Variants in RAB25 observed in about 807,000 individuals in gnomAD.
RAB25 encodes RAB25, member RAS oncogene family.
A neutral mutation model predicts 25.2 loss-of-function variants in RAB25; 23 were observed. That is an observed-to-expected ratio of 0.91 (90% CI 0.66 to 1.29). The LOEUF (loss-of-function observed/expected upper bound fraction) is 1.29. Ranked by LOEUF, RAB25 falls within the 50% of genes most tolerant of loss-of-function variation. The pLI, the probability that RAB25 is intolerant of heterozygous loss-of-function variation, is 0.00. For missense variants in RAB25, 244 were observed against 277.3 expected, an observed-to-expected ratio of 0.88 and a Z score of 0.85; for synonymous variants, 102 against 111.5, an observed-to-expected ratio of 0.91 and a Z score of 0.54.
Position 156,066,100 on chromosome 1 carries a change from C to T in RAB25, c.233C>T (p.Thr78Ile), listed in dbSNP as rs745434442. Residue 78 changes from threonine (T) to isoleucine (I), a missense_variant, in exon 2 of 5, where the codon ACC becomes ATC. Thr to Ile is a moderately conservative substitution (Grantham distance 89). Transcript: ENST00000361084. ...TAGLERYRAI[T>I]SAYYRGAVGA... ...GGCCTGGAGCGGTACCGAGCCATCA[C>T]CTCGGCGTGAGCCCGGGCCTGGGGG... 27 of 1,580,804 alleles carry T rather than the reference C, an allele frequency of 1.7e-5. No individual in the cohort carries two copies. The highest frequency in any genetic ancestry group is 2.2e-5 in the Non-Finnish European group (26 of 1,157,724).
chr1:156,061,519 C>G, intron 1 of RAB25, 76 bp downstream of exon 1: 2 of 1,497,690 alleles, frequency 1.3e-6, no homozygotes, highest in Non-Finnish European at 1.9e-6. Context: ...AGAGGGCCCC[C>G]TCCTGTTTTT....
chr1:156,070,068 A>G, intron 4 of RAB25, 92 bp from the exon 5 acceptor site: 1 of 1,592,378 alleles, frequency 6.3e-7, no homozygotes, highest in African/African-American at 1.3e-5. Context: ...CCCCATGCTC[A>G]GAAGGGGCAT....
chr1:156,061,571 G>A, intron 1 of RAB25, 128 bp downstream of exon 1: 1 of 998,132 alleles, frequency 1.0e-6, no homozygotes, highest in East Asian at 2.5e-5. Flanking sequence ...CATTCCTTCA[G>A]AAAGAAAGCT....
At position 156,070,347 on chromosome 1, in the gene RAB25, C is replaced by T. The variant is rs1647872125; in HGVS notation, c.*60C>T. 4 of 1,583,230 alleles carry T rather than the reference C, an allele frequency of 2.5e-6. No homozygotes were observed. In the Admixed American group the frequency reaches 7.1e-5, roughly 28 times the overall value. On this transcript the variant is annotated 3_prime_UTR_variant, in exon 5 of 5. Coordinates refer to ENST00000361084, the MANE Select transcript of RAB25 (RefSeq NM_020387.4). Reference sequence around the variant, plus strand: ...TGGTGCCCCTTGTCCCCACTTCAGCCCCAGGACCTTTCCTTGCCCTTTGGT... The same window carrying T: ...TGGTGCCCCTTGTCCCCACTTCAGCTCCAGGACCTTTCCTTGCCCTTTGGT...
chr1:156,066,224 G>T, intron 2 of RAB25, 118 bp downstream of exon 2: 9 of 833,932 alleles, frequency 1.1e-5, no homozygotes, highest in South Asian at 5.0e-5. Context: ...GCTCTGGGGG[G>T]TGGGGATGGA....
chr1:156,068,273 C>G lies in RAB25; in HGVS notation c.243C>G (p.Tyr81Ter). 1 of 1,610,684 alleles carries G rather than the reference C, an allele frequency of 6.2e-7. No individual in the cohort carries two copies. Among genetic ancestry groups the G allele is most frequent in the Non-Finnish European group, 8.5e-7 (1 of 1,176,958 alleles). Residue 81 changes from tyrosine (Y) to a stop codon, truncating the protein, a stop_gained, in exon 3 of 5, where the codon TAC (tyrosine) becomes TAG (stop). Transcript: ENST00000361084. LOFTEE classifies it high-confidence loss of function. ...CATCCTTCTCATTCCCACCCAGGTACTATCGTGGTGCAGTGGGGGCCCTCC... is the reference window on the plus strand; with the variant it reads ...CATCCTTCTCATTCCCACCCAGGTAGTATCGTGGTGCAGTGGGGGCCCTCC... ...LERYRAITSA[Y>*]YRGAVGALLV...
intron 1 of RAB25, among the ~76,000 whole-genome samples, chr1:156,063,313 C>T (rs1379993851): frequency 6.6e-6 from 1 of 152,006 alleles, no homozygotes; most frequent in Non-Finnish European, 1.5e-5. Flanking sequence ...CCACCACACC[C>T]AGCTAATTTT....
intron 2 of RAB25, among the ~76,000 whole-genome samples, chr1:156,066,679 C>T (rs1026305287): frequency 1.3e-5 from 2 of 152,322 alleles, no homozygotes; most frequent in African/African-American, 4.8e-5. Flanking sequence ...TGGCTCACAC[C>T]TGTAATCCCA....
chr1:156,069,443 T>G (rs1647841879), intron 3 of RAB25, among the ~76,000 whole-genome samples: 1 of 152,206 alleles, frequency 6.6e-6, no homozygotes, highest in Non-Finnish European at 1.5e-5. Flanking sequence ...CCTCCCAAAG[T>G]GCTGGGATTA....
At chr1:156,065,601 C>T (rs937230048) in intron 1 of RAB25, among the ~76,000 whole-genome samples, 3 of 152,154 alleles carry the variant, frequency 2.0e-5, no homozygotes, top group Non-Finnish European at 4.4e-5. Flanking sequence ...GTAATGTCTC[C>T]GCATGACACT....
At chr1:156,069,964 A>C (rs1647859339) in intron 4 of RAB25, 196 bp from the exon 5 acceptor site, 5 of 906,310 alleles carry the variant, frequency 5.5e-6, no homozygotes, top group Non-Finnish European at 8.7e-6. Context: ...CATGGGGCTG[A>C]CTCTTGGTTC....
chr1:156,065,889 C>G (rs1357227892), intron 1 of RAB25, 22 bp from the exon 2 acceptor site: 11 of 1,567,546 alleles, frequency 7.0e-6, no homozygotes, highest in African/African-American at 1.3e-5. Context: ...CATGCTCAGC[C>G]CTTATCTCTC....
intron 1 of RAB25, among the ~76,000 whole-genome samples, chr1:156,062,147 G>A (rs1647601198): frequency 6.6e-6 from 1 of 152,186 alleles, no homozygotes; most frequent in Non-Finnish European, 1.5e-5. Flanking sequence ...TTTCTGGGCA[G>A]GTGTACAGGG....
chr1:156,066,201 G>A, intron 2 of RAB25, 95 bp downstream of exon 2: 1 of 1,171,472 alleles, frequency 8.5e-7, no homozygotes, highest in Non-Finnish European at 1.1e-6. Context: ...GAGGCAAGGG[G>A]GCTCAGCAGT....
chr1:156,069,947 C>A, intron 4 of RAB25, 196 bp downstream of exon 4: 1 of 860,078 alleles, frequency 1.2e-6, no homozygotes, highest in Non-Finnish European at 1.9e-6. Context: ...GAACAGGCCA[C>A]ACTCCCCATG....
chr1:156,070,395 G>A lies in RAB25; in HGVS notation c.*108G>A, dbSNP rs1023806719. 7.7e-6 allele frequency: 11 copies of A among 1,429,030 alleles called. No individual in the cohort carries two copies. The Admixed American group carries it at 1.5e-4, about 20-fold the overall frequency. The allele number at this position is 1,429,030 out of a possible 1,614,324, so 88.5% of individuals were successfully genotyped here. A position where few individuals can be genotyped will look rare whatever the true frequency, so the allele number is the denominator to read the frequency against. The stretch of plus-strand genomic sequence containing the variant: ...GGTTCCAGATATCAGACTGTTCCCT[G>A]TTCACAGCACCCTCAGGGTCTTAAG... On this transcript the variant is annotated 3_prime_UTR_variant, in exon 5 of 5. Coordinates refer to ENST00000361084, the MANE Select transcript of RAB25 (RefSeq NM_020387.4).
chr1:156,065,060 G>C (rs992360506), intron 1 of RAB25, among the ~76,000 whole-genome samples: 12 of 152,150 alleles, frequency 7.9e-5, no homozygotes, highest in Non-Finnish European at 2.9e-5. Flanking sequence ...TGGCCCCTCA[G>C]GTGGATCCTT....
chr1:156,064,615 G>A (rs1386396051), intron 1 of RAB25, among the ~76,000 whole-genome samples: 1 of 152,014 alleles, frequency 6.6e-6, no homozygotes, highest in African/African-American at 2.4e-5. Context: ...GGGTTTCACC[G>A]TGTTACCCAG....
intron 2 of RAB25, among the ~76,000 whole-genome samples, chr1:156,067,231 CAAA>C (rs386368386): frequency 1.8e-5 from 2 of 114,060 alleles, no homozygotes; most frequent in Non-Finnish European, 1.8e-5. Flanking sequence ...GACTCTGTCT[CAAA>C]AAAAAAAAAA....
Sources: allele counts gnomAD v4.1 joint callset (sites outside exome capture counted in the v4.1 genomes callset), GRCh38; gene constraint gnomAD v4.1.1; transcripts MANE v1.5; gene names NCBI Gene and HGNC (gene_info 2026-07-23, HGNC 2026-07-21).